CDKAL1: variants seen among roughly 807,000 people sequenced by gnomAD.
The protein encoded by CDKAL1 is threonylcarbamoyladenosine tRNA methylthiotransferase.
In CDKAL1, 32 loss-of-function variants were observed where a neutral mutation model predicts 68.2. The ratio of observed to expected loss-of-function variants is 0.47; its 90% CI spans 0.35 to 0.63. CDKAL1 has a LOEUF of 0.63. CDKAL1 is among the 30% of genes least tolerant of loss of function. The pLI is 0.00. For synonymous variants in CDKAL1, 234 were observed against 244.3 expected (o/e 0.96, Z 0.39); for missense variants, 606 against 696.7 (o/e 0.87, Z 1.47).
At chr6:20,900,188 G>A (rs1326154249) in intron 9 of CDKAL1, among the ~76,000 whole-genome samples, 1 of 151,940 alleles carries the variant, frequency 6.6e-6, no homozygotes, top group African/African-American at 2.4e-5. Context: ...ATAGAATTTG[G>A]CACATAGATG....
chr6:20,649,459 A>G lies in CDKAL1; in HGVS notation c.371+82A>G, dbSNP rs1768644685. 4.2e-5 allele frequency: 31 copies of G among 746,876 alleles called. No individual in the cohort carries two copies. In the South Asian group the frequency reaches 5.0e-4, roughly 12 times the overall value. The allele number at this position is 746,876 out of a possible 1,614,324, so 46.3% of individuals were successfully genotyped here. ...AAAGATTAGCTTTTTAAAAATGTCA[A>G]TATAGATATTTAGTTTATATTAAAA... On this transcript the variant is annotated intron_variant, in intron 5 of 15. Coordinates refer to ENST00000274695, the MANE Select transcript of CDKAL1 (RefSeq NM_017774.3).
At chr6:20,792,822 C>T (rs1775952665) in intron 8 of CDKAL1, among the ~76,000 whole-genome samples, 1 of 152,162 alleles carries the variant, frequency 6.6e-6, no homozygotes. Context: ...AGTAATGTAT[C>T]ACTGCTCTTG....
At chr6:20,895,152 A>G (rs1031699191) in intron 9 of CDKAL1, among the ~76,000 whole-genome samples, 1 of 151,388 alleles carries the variant, frequency 6.6e-6, no homozygotes, top group Non-Finnish European at 1.5e-5. Flanking sequence ...TGCTCTTTTC[A>G]CTCACTGTTT....
intron 8 of CDKAL1, among the ~76,000 whole-genome samples, chr6:20,830,098 C>G (rs138943489): frequency 0.013 from 2,054 of 152,210 alleles, 33 homozygotes; most frequent in African/African-American, 0.047. Context: ...TCAAGTAATC[C>G]ACCTGCCTCG....
intron 5 of CDKAL1, among the ~76,000 whole-genome samples, chr6:20,691,213 C>T (rs1460890041): frequency 6.6e-6 from 1 of 152,030 alleles, no homozygotes; most frequent in African/African-American, 2.4e-5. Context: ...TTTTTCTTCC[C>T]AAATCTTTGG....
chr6:21,073,062 A>G (rs933149642), intron 12 of CDKAL1, among the ~76,000 whole-genome samples: 7 of 152,102 alleles, frequency 4.6e-5, no homozygotes, highest in African/African-American at 1.7e-4. Flanking sequence ...AATGTCACAT[A>G]TTTGGAAACA....
At chr6:20,574,567 A>G (rs1364811306) in intron 4 of CDKAL1, among the ~76,000 whole-genome samples, 1 of 152,178 alleles carries the variant, frequency 6.6e-6, no homozygotes, top group Non-Finnish European at 1.5e-5. Context: ...ATCAAGGGTC[A>G]CCATGTTTTT....
chr6:20,916,771 T>TA (rs1371811737), intron 9 of CDKAL1, among the ~76,000 whole-genome samples: 2 of 152,192 alleles, frequency 1.3e-5, no homozygotes, highest in African/African-American at 4.8e-5. Context: ...AGCATCTGAT[T>TA]GTATTGCTTC....
At chr6:21,050,296 C>T (rs1770472204) in intron 11 of CDKAL1, among the ~76,000 whole-genome samples, 1 of 152,134 alleles carries the variant, frequency 6.6e-6, no homozygotes, top group Admixed American at 6.5e-5. Context: ...GCCTTGCAAA[C>T]CGGGGACCTC....
intron 11 of CDKAL1, among the ~76,000 whole-genome samples, chr6:21,006,638 A>G (rs1051896783): frequency 6.6e-6 from 1 of 152,202 alleles, no homozygotes. Flanking sequence ...GCAGAAAAAC[A>G]TATTTACTTT....
At chr6:20,585,240 G>T (rs1044207563) in intron 4 of CDKAL1, among the ~76,000 whole-genome samples, 9 of 151,906 alleles carry the variant, frequency 5.9e-5, no homozygotes, top group African/African-American at 2.2e-4. Flanking sequence ...TTTTAGTAGA[G>T]ATGGGGTTTC....
intron 4 of CDKAL1, among the ~76,000 whole-genome samples, chr6:20,582,163 C>T (rs1334069852): frequency 6.6e-6 from 1 of 151,790 alleles, no homozygotes; most frequent in African/African-American, 2.4e-5. Context: ...CTTAACTATC[C>T]AATATATTTG....
chr6:21,072,397 T>G lies in CDKAL1; in HGVS notation c.1236+7169T>G, dbSNP rs1771827995. On this transcript the variant is annotated intron_variant, in intron 12 of 15. Transcript: ENST00000274695. ...TGTACATTTTATTCACCTTTTTAATTGTTCTTGGCAAGAACATTGGTCTGA... is the reference window on the plus strand; with the variant it reads ...TGTACATTTTATTCACCTTTTTAATGGTTCTTGGCAAGAACATTGGTCTGA... Among the ~76,000 whole-genome samples, 4 of 152,244 alleles carry G rather than the reference T, an allele frequency of 2.6e-5. No homozygotes were observed. The South Asian group carries it at 8.3e-4, about 32-fold the overall frequency.
At chr6:20,819,317 TCTC>T (rs1777178517) in intron 8 of CDKAL1, among the ~76,000 whole-genome samples, 1 of 152,136 alleles carries the variant, frequency 6.6e-6, no homozygotes, top group Non-Finnish European at 1.5e-5. Flanking sequence ...CGCAACCATC[TCTC>T]TTACTTTGAT....
chr6:21,075,465 C>T lies in CDKAL1; in HGVS notation c.1236+10237C>T, dbSNP rs7766788. 1.4e-4 allele frequency among the ~76,000 whole-genome samples: 21 copies of T among 151,942 alleles called. No homozygotes were observed. The East Asian group carries it at 3.3e-3, about 24-fold the overall frequency. ...TGTATAGGGGGAGAGATGAATTCTT[C>T]GCCTTGATTGCCTACTGAAAAAAAA... On this transcript the variant is annotated intron_variant, in intron 12 of 15. Coordinates refer to ENST00000274695, the MANE Select transcript of CDKAL1 (RefSeq NM_017774.3).
intron 10 of CDKAL1, among the ~76,000 whole-genome samples, chr6:20,961,209 A>G (rs890580874): frequency 1.3e-5 from 2 of 152,154 alleles, no homozygotes; most frequent in African/African-American, 4.8e-5. Flanking sequence ...TCCACAGTAG[A>G]CTGGATAAAG....
At chr6:21,041,656 A>C (rs1769938425) in intron 11 of CDKAL1, among the ~76,000 whole-genome samples, 1 of 151,368 alleles carries the variant, frequency 6.6e-6, no homozygotes, top group Admixed American at 6.6e-5. Context: ...TTTCTTACAC[A>C]ACATATAATA....
At chr6:21,094,111 G>A (rs1488765662) in intron 12 of CDKAL1, among the ~76,000 whole-genome samples, 2 of 152,040 alleles carry the variant, frequency 1.3e-5, no homozygotes, top group African/African-American at 4.8e-5. Context: ...TATTACTTGG[G>A]TAAAATCTGA....
At chr6:20,801,342 A>G (rs1385797601) in intron 8 of CDKAL1, among the ~76,000 whole-genome samples, 1 of 152,196 alleles carries the variant, frequency 6.6e-6, no homozygotes, top group African/African-American at 2.4e-5. Flanking sequence ...TTTTTTCCCA[A>G]AATTTTATTA....
Sources: allele counts gnomAD v4.1 joint callset (sites outside exome capture counted in the v4.1 genomes callset), GRCh38; gene constraint gnomAD v4.1.1; transcripts MANE v1.5; gene names NCBI Gene and HGNC (gene_info 2026-07-23, HGNC 2026-07-21).